The following GRM1 variants were observed in gnomAD, a reference collection of about 807,000 sequenced individuals.
GRM1 encodes the protein metabotropic glutamate receptor 1.
In GRM1, 33 loss-of-function variants were observed where a neutral mutation model predicts 90.9. The observed-to-expected ratio is 0.36, with a 90% CI of 0.28 to 0.49. GRM1 has a LOEUF of 0.49. GRM1 is among the 20% of genes least tolerant of loss of function. The pLI is 0.99. For synonymous variants in GRM1, 700 were observed against 613.2 expected (o/e 1.14, Z -2.09); for missense variants, 1,190 against 1,534.3 (o/e 0.78, Z 3.75).
rs147308994 is a variant in GRM1, at chr6:146,194,631, T to C, written c.950+35034T>C. Among the ~76,000 whole-genome samples, 280 of 152,278 alleles carry C rather than the reference T, an allele frequency of 1.8e-3. 1 individual carries two copies. Among genetic ancestry groups the C allele is most frequent in the African/African-American group, 6.6e-3 (274 of 41,556 alleles). ...TGCACTAACATTCCTTAATCCCCATTTGACACCCAGTTGCAGACACAATTC... is the reference window on the plus strand; with the variant it reads ...TGCACTAACATTCCTTAATCCCCATCTGACACCCAGTTGCAGACACAATTC... On this transcript the variant is annotated intron_variant, in intron 2 of 7. Transcript: ENST00000282753.
chr6:146,327,345 T>C (rs1228552081), intron 3 of GRM1, among the ~76,000 whole-genome samples: 1 of 152,140 alleles, frequency 6.6e-6, no homozygotes, highest in Non-Finnish European at 1.5e-5. Flanking sequence ...GAAATTATGT[T>C]CTGTCTCTAG....
intron 2 of GRM1, among the ~76,000 whole-genome samples, chr6:146,270,598 T>C (rs1018434518): frequency 6.6e-6 from 1 of 152,176 alleles, no homozygotes; most frequent in Admixed American, 6.6e-5. Context: ...AACCCAAGGT[T>C]TGAATTCCTC....
At chr6:146,354,988 C>G (rs1320859103) in intron 4 of GRM1, among the ~76,000 whole-genome samples, 2 of 151,780 alleles carry the variant, frequency 1.3e-5, no homozygotes, top group African/African-American at 4.8e-5. Flanking sequence ...TTTCTAAATG[C>G]TAATGAAGTG....
intron 7 of GRM1, among the ~76,000 whole-genome samples, chr6:146,415,538 C>T (rs1562683844): frequency 6.6e-6 from 1 of 151,854 alleles, no homozygotes; most frequent in Non-Finnish European, 1.5e-5. Flanking sequence ...TGATTATGAA[C>T]CCTCTCTATT....
intron 2 of GRM1, among the ~76,000 whole-genome samples, chr6:146,181,972 A>G (rs1778567557): frequency 6.6e-6 from 1 of 152,162 alleles, no homozygotes; most frequent in Admixed American, 6.5e-5. Context: ...AGAGATCATT[A>G]AAAAGGAAAA....
chr6:146,037,733 G>A (rs1430057232), intron 1 of GRM1, among the ~76,000 whole-genome samples: 1 of 151,988 alleles, frequency 6.6e-6, no homozygotes, highest in South Asian at 2.1e-4. Context: ...TCAGCTCTGT[G>A]TTCCTTGCCT....
chr6:146,330,750 T>C (rs1385987405), intron 3 of GRM1, among the ~76,000 whole-genome samples: 2 of 152,202 alleles, frequency 1.3e-5, no homozygotes, highest in Non-Finnish European at 2.9e-5. Context: ...ACATATATTC[T>C]GCAATAAAGG....
chr6:146,266,084 G>A (rs1286988690), intron 2 of GRM1, among the ~76,000 whole-genome samples: 2 of 152,096 alleles, frequency 1.3e-5, no homozygotes, highest in African/African-American at 2.4e-5. Flanking sequence ...AGCTACTTGG[G>A]AGGCTGAGGC....
At chr6:146,134,218 A>T (rs1198614634) in intron 1 of GRM1, among the ~76,000 whole-genome samples, 1 of 152,170 alleles carries the variant, frequency 6.6e-6, no homozygotes. Flanking sequence ...CATTTACTAC[A>T]TGTGGGAACA....
chr6:146,076,169 A>G (rs1051653512), intron 1 of GRM1, among the ~76,000 whole-genome samples: 4 of 152,162 alleles, frequency 2.6e-5, no homozygotes, highest in African/African-American at 9.7e-5. Context: ...GAGCTCATTT[A>G]TCTTGCATAG....
chr6:146,325,304 C>A (rs1784364914), intron 3 of GRM1, among the ~76,000 whole-genome samples: 1 of 152,204 alleles, frequency 6.6e-6, no homozygotes, highest in Non-Finnish European at 1.5e-5. Flanking sequence ...GGGATACCAG[C>A]TTCCAGATCT....
intron 2 of GRM1, among the ~76,000 whole-genome samples, chr6:146,288,998 C>A (rs1161323859): frequency 6.6e-6 from 1 of 152,066 alleles, no homozygotes; most frequent in Non-Finnish European, 1.5e-5. Context: ...AAGTGTAACA[C>A]TTATAATTGT....
intron 1 of GRM1, among the ~76,000 whole-genome samples, chr6:146,099,018 A>G (rs1776962081): frequency 6.6e-6 from 1 of 152,140 alleles, no homozygotes; most frequent in African/African-American, 2.4e-5. Context: ...CACACTTTTC[A>G]TTGAGAAATG....
intron 4 of GRM1, among the ~76,000 whole-genome samples, chr6:146,353,389 T>A (rs976510416): frequency 6.6e-6 from 1 of 152,202 alleles, no homozygotes; most frequent in Admixed American, 6.5e-5. Context: ...CTTAGAGCTT[T>A]TTAGAAAAGC....
intron 2 of GRM1, among the ~76,000 whole-genome samples, chr6:146,173,259 G>A (rs1216667980): frequency 1.1e-4 from 16 of 151,746 alleles, no homozygotes; most frequent in East Asian, 5.8e-4. Flanking sequence ...GCATGGTGGC[G>A]CCTGCCTGTA....
At chr6:146,245,213 CA>C (rs1287859109) in intron 2 of GRM1, among the ~76,000 whole-genome samples, 2 of 152,032 alleles carry the variant, frequency 1.3e-5, no homozygotes, top group Non-Finnish European at 2.9e-5. Context: ...CATTTGTGTT[CA>C]GGGGCAAGAA....
In GRM1 at chr6:146,232,666, C is replaced by T. The variant is rs557065240; in HGVS notation, c.951-71945C>T. ...TGTACACGTTAACCATCCCCACCTG[C>T]CCTCCAGCCCCCCAATACCCTTCCC... On this transcript the variant is annotated intron_variant, in intron 2 of 7. Transcript: ENST00000282753. Among the ~76,000 whole-genome samples the T allele has an allele frequency of 4.6e-5, 7 of 152,132 alleles. No individual in the cohort carries two copies. The South Asian group carries it at 1.5e-3, about 32-fold the overall frequency.
intron 1 of GRM1, among the ~76,000 whole-genome samples, chr6:146,136,402 G>T (rs1313669252): frequency 6.6e-6 from 1 of 152,160 alleles, no homozygotes; most frequent in Non-Finnish European, 1.5e-5. Flanking sequence ...TACCAACAGT[G>T]TATGAGGGTT....
At chr6:146,111,852 C>T (rs1451785327) in intron 1 of GRM1, among the ~76,000 whole-genome samples, 1 of 152,180 alleles carries the variant, frequency 6.6e-6, no homozygotes, top group Admixed American at 6.5e-5. Flanking sequence ...CACAGAAAAG[C>T]TCGTGATACA....
Sources: allele counts gnomAD v4.1 joint callset (sites outside exome capture counted in the v4.1 genomes callset), GRCh38; gene constraint gnomAD v4.1.1; transcripts MANE v1.5; gene names NCBI Gene and HGNC (gene_info 2026-07-23, HGNC 2026-07-21).